The following PAFAH2 variants were observed in gnomAD, a reference collection of about 807,000 sequenced individuals.
PAFAH2 encodes platelet activating factor acetylhydrolase 2, also known as platelet-activating factor acetylhydrolase 2, cytoplasmic.
Under a neutral mutation model 49.0 loss-of-function variants are expected in PAFAH2, and 42 were observed. The ratio of observed to expected loss-of-function variants is 0.86; its 90% CI spans 0.67 to 1.11. PAFAH2 has a LOEUF of 1.11. Among genes scored for constraint, PAFAH2 ranks in the 50% least tolerant of loss-of-function variants. The pLI is 0.00. For missense variants in PAFAH2, 503 were observed against 501.8 expected, an observed-to-expected ratio of 1.00 and a Z score of -0.02; for synonymous variants, 184 against 181.3, an observed-to-expected ratio of 1.01 and a Z score of -0.12.
At chr1:25,967,623 C>T (rs1249329686) in intron 10 of PAFAH2, among the ~76,000 whole-genome samples, 1 of 152,114 alleles carries the variant, frequency 6.6e-6, no homozygotes, top group Non-Finnish European at 1.5e-5. Flanking sequence ...TTGTGAAGGT[C>T]ACTGGGCACC....
intron 6 of PAFAH2, 62 bp from the exon 7 acceptor site, chr1:25,982,539 C>G (rs550945772): frequency 1.6e-6 from 2 of 1,277,976 alleles, no homozygotes; most frequent in African/African-American, 2.9e-5. Flanking sequence ...GAGAATCTCC[C>G]TCACGTACAG....
intron 1 of PAFAH2, among the ~76,000 whole-genome samples, chr1:25,996,606 C>A (rs2049940725): frequency 6.6e-6 from 1 of 152,086 alleles, no homozygotes; most frequent in Non-Finnish European, 1.5e-5. Context: ...CGCGCTACTG[C>A]ACTCTAGCCT....
intron 1 of PAFAH2, among the ~76,000 whole-genome samples, chr1:25,991,579 G>C (rs2049876738): frequency 6.8e-6 from 1 of 147,900 alleles, no homozygotes; most frequent in Non-Finnish European, 1.5e-5. Flanking sequence ...ACCGCGCCTG[G>C]CCTGAGGTAG....
rs2049859538 is a variant in PAFAH2, at chr1:25,990,729, G to A, written c.88C>T (p.Gln30Ter). ...CGDVMEGQNL[Q>*]GSFFRLFYPC... is the part of the protein sequence containing the mutation. ...GAAAGGGAGCTGGGGACACTTACCT[G>A]GAGATTCTGACCCTCCATCACATCC... The change falls in exon 2 of 11, where the codon CAG becomes TAG. Residue 30 changes from glutamine to a stop codon, truncating the protein, a stop_gained and splice_region_variant. Coordinates refer to ENST00000374282, the MANE Select transcript of PAFAH2 (RefSeq NM_000437.4). LOFTEE classifies it high-confidence loss of function. The A allele has an allele frequency of 9.9e-6, 16 of 1,613,022 alleles. No individual in the cohort carries two copies. Among genetic ancestry groups the A allele is most frequent in the Non-Finnish European group, 1.4e-5 (16 of 1,179,124 alleles).
intron 10 of PAFAH2, among the ~76,000 whole-genome samples, chr1:25,969,433 C>G (rs1189188031): frequency 3.3e-5 from 5 of 152,234 alleles, no homozygotes; most frequent in Admixed American, 2.6e-4. Flanking sequence ...GAGTCACCGC[C>G]AGCATAGTGA....
intron 7 of PAFAH2, among the ~76,000 whole-genome samples, chr1:25,979,781 C>T (rs1416708235): frequency 6.6e-6 from 1 of 152,132 alleles, no homozygotes; most frequent in Non-Finnish European, 1.5e-5. Flanking sequence ...TGAGCCACCA[C>T]GCCTGGCCTG....
At chr1:25,976,592 G>T in intron 8 of PAFAH2, 90 bp downstream of exon 8, 2 of 911,456 alleles carry the variant, frequency 2.2e-6, no homozygotes, top group Non-Finnish European at 3.6e-6. Flanking sequence ...CCTAAACAGT[G>T]CCAAGAATAT....
intron 10 of PAFAH2, among the ~76,000 whole-genome samples, chr1:25,970,385 G>A (rs368240923): frequency 3.3e-4 from 51 of 152,260 alleles, no homozygotes; most frequent in African/African-American, 1.1e-3. Flanking sequence ...GAGAACTGCC[G>A]GAGAATCGCT....
At chr1:25,982,702 A>G (rs1469512) in intron 6 of PAFAH2, among the ~76,000 whole-genome samples, 3 of 152,162 alleles carry the variant, frequency 2.0e-5, no homozygotes, top group East Asian at 3.9e-4. Flanking sequence ...CTCTAACTAC[A>G]TAACCACAGG....
chr1:25,961,990 T>G lies in PAFAH2; in HGVS notation c.1178A>C (p.Ter393SerextTer48). 1 of 1,613,202 alleles carries G rather than the reference T, an allele frequency of 6.2e-7. No homozygotes were observed. The highest frequency in any genetic ancestry group is 8.5e-7 in the Non-Finnish European group (1 of 1,179,410). Reference sequence around the variant, plus strand: ...GACTTTACAAATGGCCAGTTGTGCCTACAGGCTGGACAGATGGTGGGGGGC... The same window carrying G: ...GACTTTACAAATGGCCAGTTGTGCCGACAGGCTGGACAGATGGTGGGGGGC... ...PGAPHHLSSL[*>S] The change falls in exon 11 of 11, where the codon TAG (stop) becomes TCG (serine). Residue 393 changes from the stop codon to serine (S), a stop_lost. Transcript: ENST00000374282.
At chr1:25,965,125 T>C (rs1020319548) in intron 10 of PAFAH2, among the ~76,000 whole-genome samples, 1 of 152,100 alleles carries the variant, frequency 6.6e-6, no homozygotes, top group African/African-American at 2.4e-5. Flanking sequence ...TACAACCAAC[T>C]GATCTTTGTC....
intron 7 of PAFAH2, among the ~76,000 whole-genome samples, chr1:25,978,176 C>T (rs2049625323): frequency 1.3e-5 from 2 of 152,014 alleles, no homozygotes; most frequent in Admixed American, 6.6e-5. Flanking sequence ...CTCGGATCAG[C>T]ATCTTGGTTG....
chr1:25,995,156 C>T (rs1009655952), intron 1 of PAFAH2, among the ~76,000 whole-genome samples: 1 of 152,196 alleles, frequency 6.6e-6, no homozygotes, highest in Non-Finnish European at 1.5e-5. Context: ...CCTCTCCATC[C>T]ACTGAGGCCC....
chr1:25,967,778 C>G (rs2049448748), intron 10 of PAFAH2, among the ~76,000 whole-genome samples: 1 of 152,242 alleles, frequency 6.6e-6, no homozygotes, highest in East Asian at 1.9e-4. Context: ...TGGGTGGCAA[C>G]TGCAGGGGAT....
At chr1:25,974,914 A>G (rs1467368703) in intron 8 of PAFAH2, among the ~76,000 whole-genome samples, 2 of 151,980 alleles carry the variant, frequency 1.3e-5, no homozygotes, top group African/African-American at 4.8e-5. Flanking sequence ...CAGGTGACTG[A>G]CCTGAGTTCC....
At chr1:25,997,930 T>G (rs967522039) in intron 1 of PAFAH2, 95 bp downstream of exon 1, 1 of 152,174 alleles carries the variant, frequency 6.6e-6, no homozygotes, top group African/African-American at 2.4e-5. Context: ...GCAATTCCTA[T>G]GACTGAGAGA....
At chr1:25,970,067 C>T (rs1458386607) in intron 10 of PAFAH2, among the ~76,000 whole-genome samples, 1 of 152,118 alleles carries the variant, frequency 6.6e-6, no homozygotes, top group African/African-American at 2.4e-5. Flanking sequence ...TCAATAAATG[C>T]GTAAGACAGA....
At chr1:25,982,281 AT>A (rs1440979491) in intron 7 of PAFAH2, 82 bp downstream of exon 7, 1 of 994,082 alleles carries the variant, frequency 1.0e-6, no homozygotes, top group African/African-American at 1.6e-5. Flanking sequence ...CTTTTGGTTC[AT>A]ACCAGTTAGT....
intron 2 of PAFAH2, among the ~76,000 whole-genome samples, chr1:25,990,427 G>A (rs115883857): frequency 0.011 from 1,636 of 152,226 alleles, 32 homozygotes; most frequent in African/African-American, 0.037. Flanking sequence ...ACCCTTCCAA[G>A]ATCAGGCATC....
Sources: allele counts gnomAD v4.1 joint callset (sites outside exome capture counted in the v4.1 genomes callset), GRCh38; gene constraint gnomAD v4.1.1; transcripts MANE v1.5; gene names NCBI Gene and HGNC (gene_info 2026-07-23, HGNC 2026-07-21).